Variants in KANSL1L observed in about 807,000 individuals in gnomAD.
The protein encoded by KANSL1L is KAT8 regulatory NSL complex subunit 1 like.
Under a neutral mutation model 108.6 loss-of-function variants are expected in KANSL1L, and 25 were observed. The observed-to-expected ratio is 0.23, with a 90% CI of 0.17 to 0.32. The LOEUF (loss-of-function observed/expected upper bound fraction) is 0.32, where lower values mean the gene tolerates loss of function less well. Ranked by LOEUF, KANSL1L falls within the 10% of genes least tolerant of loss-of-function variation. The probability of loss-of-function intolerance (pLI) is 1.00; values close to 1 mark genes in which losing one functional copy is unlikely to be tolerated. For synonymous variants in KANSL1L, 405 were observed against 395.1 expected (o/e 1.03, Z -0.30); for missense variants, 1,137 against 1,125.7 (o/e 1.01, Z -0.14).
At chr2:210,035,352 T>C (rs182104556) in intron 8 of KANSL1L, 1 of 152,336 alleles carries the variant, frequency 6.6e-6, no homozygotes, top group Admixed American at 6.5e-5. Flanking sequence ...GCTTGTTGCC[T>C]GAAATCAGCA....
At chr2:210,133,452 A>G (rs2095145152) in intron 2 of KANSL1L, among the ~76,000 whole-genome samples, 1 of 152,134 alleles carries the variant, frequency 6.6e-6, no homozygotes, top group Non-Finnish European at 1.5e-5. Flanking sequence ...CAGAACATCT[A>G]TAGTGATATT....
intron 6 of KANSL1L, among the ~76,000 whole-genome samples, chr2:210,054,523 G>C (rs1194765830): frequency 1.3e-5 from 2 of 152,076 alleles, no homozygotes; most frequent in African/African-American, 4.8e-5. Flanking sequence ...ATTTATAAAT[G>C]TACAAACTCT....
chr2:210,087,253 G>A (rs774503834), intron 5 of KANSL1L, among the ~76,000 whole-genome samples: 3 of 151,998 alleles, frequency 2.0e-5, no homozygotes, highest in Non-Finnish European at 4.4e-5. Context: ...TTGAACTGCT[G>A]GTGATCCTCC....
intron 2 of KANSL1L, among the ~76,000 whole-genome samples, chr2:210,149,713 A>C (rs529034105): frequency 6.6e-6 from 1 of 152,182 alleles, no homozygotes; most frequent in South Asian, 2.1e-4. Context: ...CAAAAGATAC[A>C]AATAAAGTTA....
intron 6 of KANSL1L, among the ~76,000 whole-genome samples, chr2:210,057,153 G>C (rs1201220892): frequency 6.6e-6 from 1 of 152,154 alleles, no homozygotes; most frequent in East Asian, 1.9e-4. Flanking sequence ...TGTAATCCCA[G>C]CACTTTGTGA....
chr2:210,169,488 TTTC>T (rs775339526), intron 1 of KANSL1L, among the ~76,000 whole-genome samples: 14 of 152,344 alleles, frequency 9.2e-5, no homozygotes, highest in Non-Finnish European at 1.8e-4. Context: ...TATTTATAGT[TTTC>T]TTATTTGCAC....
chr2:210,170,434 C>A, intron 1 of KANSL1L: 1 of 970,156 alleles, frequency 1.0e-6, no homozygotes. Context: ...GACTGCAAAG[C>A]CAGCCTCTTT....
At chr2:210,042,567 G>T (rs1334469702) in intron 7 of KANSL1L, among the ~76,000 whole-genome samples, 1 of 152,134 alleles carries the variant, frequency 6.6e-6, no homozygotes, top group Non-Finnish European at 1.5e-5. Flanking sequence ...AGTAATCTTG[G>T]ATGAGTAGTA....
At chr2:210,075,825 A>G in intron 5 of KANSL1L, 69 bp from the exon 6 acceptor site, 1 of 1,162,624 alleles carries the variant, frequency 8.6e-7, no homozygotes, top group Non-Finnish European at 1.2e-6. Flanking sequence ...AAAAAAGACA[A>G]AGAAAACTAA....
chr2:210,077,114 G>T (rs13021055), intron 5 of KANSL1L, among the ~76,000 whole-genome samples: 1 of 152,048 alleles, frequency 6.6e-6, no homozygotes, highest in Non-Finnish European at 1.5e-5. Context: ...AGAAATAAAG[G>T]TGTCTGAATG....
chr2:210,090,249 T>C (rs1379618978), intron 5 of KANSL1L, among the ~76,000 whole-genome samples: 2 of 152,170 alleles, frequency 1.3e-5, no homozygotes, highest in East Asian at 1.9e-4. Flanking sequence ...CACAACCATA[T>C]ACTGTCTCCC....
At chr2:210,149,032 T>C (rs979856808) in intron 2 of KANSL1L, among the ~76,000 whole-genome samples, 1 of 152,130 alleles carries the variant, frequency 6.6e-6, no homozygotes, top group Non-Finnish European at 1.5e-5. Context: ...TATTCAGTCA[T>C]TGAACATTCA....
intron 2 of KANSL1L, among the ~76,000 whole-genome samples, chr2:210,150,544 A>T (rs981658100): frequency 6.6e-6 from 1 of 152,176 alleles, no homozygotes; most frequent in African/African-American, 2.4e-5. Context: ...GCACTTTGGG[A>T]GGCCAAGGTC....
At chr2:210,142,534 G>A (rs1228863004) in intron 2 of KANSL1L, among the ~76,000 whole-genome samples, 1 of 151,936 alleles carries the variant, frequency 6.6e-6, no homozygotes, top group African/African-American at 2.4e-5. Context: ...TTTGGGATTA[G>A]TTTGTTCTTT....
In KANSL1L at chr2:210,153,718, A is replaced by G; in HGVS notation, c.865T>C (p.Cys289Arg). 6.2e-7 allele frequency: 1 copy of G among 1,604,502 alleles called. No homozygotes were observed. Residue 289 changes from cysteine to arginine, a missense_variant, in exon 2 of 15, where the codon TGC (cysteine) becomes CGC (arginine). Physicochemically the swap from Cys to Arg is radical, Grantham distance 180 (BLOSUM62 -3). Transcript: ENST00000281772. ...TTAACTTCTGGCTTAATTTCAGTGCATTTAGGTAAACTATTACCCAAAATT... is the reference window on the plus strand; with the variant it reads ...TTAACTTCTGGCTTAATTTCAGTGCGTTTAGGTAAACTATTACCCAAAATT... Reference protein sequence around the residue: ...TTILGNSLPKCTEIKPEVNTL... With the variant: ...TTILGNSLPKRTEIKPEVNTL...
chr2:210,143,848 AATT>A (rs2095247371), intron 2 of KANSL1L, among the ~76,000 whole-genome samples: 1 of 152,126 alleles, frequency 6.6e-6, no homozygotes. Context: ...TTTGTCTTTT[AATT>A]ATAATAAAAA....
chr2:210,108,168 T>C (rs894699181), intron 3 of KANSL1L, among the ~76,000 whole-genome samples: 1 of 152,146 alleles, frequency 6.6e-6, no homozygotes, highest in African/African-American at 2.4e-5. Flanking sequence ...TATAAACAAC[T>C]AAACACTTTG....
At chr2:210,057,593 C>T (rs1353315517) in intron 6 of KANSL1L, among the ~76,000 whole-genome samples, 5 of 151,968 alleles carry the variant, frequency 3.3e-5, no homozygotes, top group South Asian at 4.2e-4. Flanking sequence ...CCCAGCTACT[C>T]GGGAGGCTGA....
chr2:210,118,913 T>G (rs2094985448), intron 3 of KANSL1L, among the ~76,000 whole-genome samples: 1 of 151,730 alleles, frequency 6.6e-6, no homozygotes, highest in Admixed American at 6.6e-5. Flanking sequence ...CTCATGCCTG[T>G]AATCCCAACA....
Sources: gnomAD v4.1 joint callset for allele counts (sites outside exome capture counted in the v4.1 genomes callset) on GRCh38, gnomAD v4.1.1 for gene constraint, MANE v1.5 for transcripts, NCBI Gene and HGNC (gene_info 2026-07-23, HGNC 2026-07-21) for gene names.